Variants in SOX6 observed in about 807,000 individuals in gnomAD.
SOX6 encodes SRY-box transcription factor 6, also known as transcription factor SOX-6.
SOX6 carries 11 observed loss-of-function variants against 97.8 expected under a neutral mutation model. The observed-to-expected ratio is 0.11, with a 90% CI of 0.07 to 0.19. SOX6 has a LOEUF of 0.19. Among genes scored for constraint, SOX6 ranks in the 10% least tolerant of loss-of-function variants. SOX6 has a pLI of 1.00. For synonymous variants in SOX6, 360 were observed against 371.4 expected, an observed-to-expected ratio of 0.97 and a Z score of 0.35; for missense variants, 810 against 1,039.5, an observed-to-expected ratio of 0.78 and a Z score of 3.04.
intron 13 of SOX6, among the ~76,000 whole-genome samples, chr11:15,997,804 A>G (rs1003846994): frequency 2.0e-5 from 3 of 152,202 alleles, no homozygotes; most frequent in African/African-American, 7.2e-5. Flanking sequence ...TTGTTAATCA[A>G]CAATTAAAAA....
intron 10 of SOX6, among the ~76,000 whole-genome samples, chr11:16,054,447 G>A (rs969702320): frequency 1.3e-5 from 2 of 152,018 alleles, no homozygotes; most frequent in Non-Finnish European, 2.9e-5. Context: ...GAACATAAAT[G>A]TTCTCCTATT....
chr11:16,315,292 A>T (rs1565086660), intron 3 of SOX6: 2 of 152,106 alleles, frequency 1.3e-5, no homozygotes, highest in Non-Finnish European at 1.5e-5. Context: ...AATAATTTTT[A>T]AAAAAAGATC....
chr11:16,005,913 C>A (rs1854539433), intron 13 of SOX6, among the ~76,000 whole-genome samples: 1 of 151,798 alleles, frequency 6.6e-6, no homozygotes, highest in African/African-American at 2.4e-5. Flanking sequence ...GTACTATGAC[C>A]TAACTTTGGC....
chr11:16,432,730 T>C (rs1859294748), intron 1 of SOX6, among the ~76,000 whole-genome samples: 1 of 152,044 alleles, frequency 6.6e-6, no homozygotes, highest in South Asian at 2.1e-4. Flanking sequence ...GAATCTGCCT[T>C]TTAAACAAAC....
intron 4 of SOX6, among the ~76,000 whole-genome samples, chr11:16,588,627 A>C (rs541697007): frequency 1.3e-5 from 2 of 152,204 alleles, no homozygotes; most frequent in African/African-American, 4.8e-5. Context: ...TGATAAATAC[A>C]CTTAACTATG....
At chr11:16,351,002 T>C (rs1201959536) in intron 1 of SOX6, among the ~76,000 whole-genome samples, 2 of 152,124 alleles carry the variant, frequency 1.3e-5, no homozygotes, top group African/African-American at 4.8e-5. Flanking sequence ...CTAAACATTA[T>C]TATTTCTCTA....
intron 3 of SOX6, among the ~76,000 whole-genome samples, chr11:16,250,420 T>TA (rs1430139787): frequency 1.3e-5 from 2 of 152,058 alleles, no homozygotes; most frequent in African/African-American, 4.8e-5. Flanking sequence ...CATGACATAT[T>TA]AAAGAAAGAT....
chr11:16,700,822 C>T (rs148747425), intron 3 of SOX6, among the ~76,000 whole-genome samples: 1 of 152,126 alleles, frequency 6.6e-6, no homozygotes, highest in Non-Finnish European at 1.5e-5. Context: ...TCTGGGTGCA[C>T]CAGCATTTCT....
intron 6 of SOX6, among the ~76,000 whole-genome samples, chr11:16,163,771 TA>T (rs1432150413): frequency 6.6e-6 from 1 of 152,236 alleles, no homozygotes; most frequent in Non-Finnish European, 1.5e-5. Flanking sequence ...CCAAGCAAGA[TA>T]GCAACCTGCA....
At chr11:16,200,388 T>C (rs1170946277) in intron 4 of SOX6, among the ~76,000 whole-genome samples, 2 of 152,218 alleles carry the variant, frequency 1.3e-5, no homozygotes, top group Non-Finnish European at 2.9e-5. Flanking sequence ...CAACCCCATT[T>C]GAGAATCCTG....
At chr11:16,349,599 G>A (rs1167012017) in intron 1 of SOX6, among the ~76,000 whole-genome samples, 2 of 149,980 alleles carry the variant, frequency 1.3e-5, no homozygotes, top group Non-Finnish European at 3.0e-5. Flanking sequence ...CTGGGTGACA[G>A]AGCAAGGCTC....
chr11:16,667,199 C>T (rs777654228), intron 3 of SOX6, among the ~76,000 whole-genome samples: 9 of 152,066 alleles, frequency 5.9e-5, no homozygotes, highest in Non-Finnish European at 8.8e-5. Context: ...GAGATCACAC[C>T]ACTGCTTTCC....
At chr11:16,172,897 T>C (rs1851076511) in intron 6 of SOX6, among the ~76,000 whole-genome samples, 1 of 151,958 alleles carries the variant, frequency 6.6e-6, no homozygotes, top group African/African-American at 2.4e-5. Context: ...ATTGTTCTAA[T>C]ACTATTTCGT....
chr11:16,697,568 T>C (rs991865585), intron 3 of SOX6, among the ~76,000 whole-genome samples: 2 of 152,112 alleles, frequency 1.3e-5, no homozygotes, highest in Non-Finnish European at 2.9e-5. Flanking sequence ...CGAGATCGCT[T>C]CACTGCACTC....
chr11:16,264,566 T>C (rs1854012593), intron 3 of SOX6: 1 of 151,734 alleles, frequency 6.6e-6, no homozygotes. Flanking sequence ...TCACTGAAGG[T>C]GTATCTTCAG....
chr11:16,552,863 T>C (rs904527589), intron 4 of SOX6, among the ~76,000 whole-genome samples: 1 of 152,188 alleles, frequency 6.6e-6, no homozygotes, highest in Non-Finnish European at 1.5e-5. Context: ...TTGGTAAATA[T>C]TACATAAGTC....
At chr11:16,721,254 A>C (rs2134053676) in intron 2 of SOX6, among the ~76,000 whole-genome samples, 1 of 152,342 alleles carries the variant, frequency 6.6e-6, no homozygotes, top group East Asian at 1.9e-4. Flanking sequence ...CATTGGTTAA[A>C]AATGGATTTG....
At chr11:15,974,388 T>TA (rs1247416244) in intron 15 of SOX6, among the ~76,000 whole-genome samples, 4 of 144,952 alleles carry the variant, frequency 2.8e-5, no homozygotes, top group Non-Finnish European at 6.0e-5. Flanking sequence ...CTTTTTTTTT[T>TA]TTTTTTTTTT....
At chr11:16,570,698 C>T (rs1011399935) in intron 4 of SOX6, among the ~76,000 whole-genome samples, 6 of 152,178 alleles carry the variant, frequency 3.9e-5, no homozygotes, top group Admixed American at 6.5e-5. Flanking sequence ...CTGATACCTT[C>T]CTTCATCATA....
Sources: allele counts gnomAD v4.1 joint callset (sites outside exome capture counted in the v4.1 genomes callset), GRCh38; gene constraint gnomAD v4.1.1; transcripts MANE v1.5; gene names NCBI Gene and HGNC (gene_info 2026-07-23, HGNC 2026-07-21).